Variants in SOX13 observed in about 807,000 individuals in gnomAD.
SOX13 encodes the protein transcription factor SOX-13.
A neutral mutation model predicts 71.8 loss-of-function variants in SOX13; 28 were observed. The ratio of observed to expected loss-of-function variants is 0.39; its 90% CI spans 0.29 to 0.53. The LOEUF is 0.53. SOX13 is among the 20% of genes least tolerant of loss of function. The pLI, the probability that SOX13 is intolerant of heterozygous loss-of-function variation, is 0.70. For missense variants in SOX13, 627 were observed against 810.3 expected (o/e 0.77, Z 2.75); for synonymous variants, 309 against 317.8 (o/e 0.97, Z 0.29).
In SOX13 at chr1:204,123,136, C is replaced by A. The variant is rs941604997; in HGVS notation, c.1159C>A (p.Pro387Thr). ...GGACCTCATCAGCCTGGACTCATCCCCAGCCAAGGAGCGGCTGGAGGACGG... is the reference window on the plus strand; with the variant it reads ...GGACCTCATCAGCCTGGACTCATCCACAGCCAAGGAGCGGCTGGAGGACGG... ...RKDLISLDSS[P>T]AKERLEDGCV... Residue 387 changes from proline (P) to threonine (T), a missense_variant, in exon 11 of 14, where the codon CCA becomes ACA. Physicochemically the swap from Pro to Thr is conservative, Grantham distance 38 (BLOSUM62 -1). Transcript: ENST00000367204. The surrounding 1 kb of genome is among the most constrained non-coding windows in gnomAD (Gnocchi z 5.0). 15 of 1,613,654 alleles carry A rather than the reference C, an allele frequency of 9.3e-6. No individual in the cohort carries two copies. Among genetic ancestry groups the A allele is most frequent in the Non-Finnish European group, 1.2e-5 (14 of 1,179,794 alleles).
At chr1:204,090,408 C>CTTT (rs67694415) in intron 1 of SOX13, among the ~76,000 whole-genome samples, 17 of 118,526 alleles carry the variant, frequency 1.4e-4, no homozygotes, top group Non-Finnish European at 2.0e-4. Flanking sequence ...TCTTCTTCTT[C>CTTT]TTTTTTTTTT....
chr1:204,103,059 G>A (rs1195149339), intron 1 of SOX13, among the ~76,000 whole-genome samples: 1 of 152,160 alleles, frequency 6.6e-6, no homozygotes, highest in East Asian at 1.9e-4. Context: ...TCCTGCTTTA[G>A]GGCTCTTTCT....
In SOX13 at chr1:204,127,458, A is replaced by G. The variant is rs576836821; in HGVS notation, c.*1324A>G. The G allele has an allele frequency of 6.7e-6, 1 of 150,082 alleles. No homozygotes were observed. The highest frequency in any genetic ancestry group is 2.1e-4 in the South Asian group (1 of 4,760). The allele number at this position is 150,082 out of a possible 1,614,324, so 9.3% of individuals were successfully genotyped here. On this transcript the variant is annotated 3_prime_UTR_variant, in exon 14 of 14. Transcript: ENST00000367204. ...TTGTTCCCTAAGGAAATCAAATCCC[A>G]TTGTCACCTAACTCTGAAGATCTAA...
chr1:204,109,320 A>T (rs1571584430), intron 1 of SOX13, among the ~76,000 whole-genome samples: 1 of 152,220 alleles, frequency 6.6e-6, no homozygotes, highest in East Asian at 1.9e-4. Context: ...ACATGCACTC[A>T]TGCACTGCTT....
rs12088948 is a variant in SOX13, at chr1:204,123,657, C to A, written c.1232-4C>A. ...GCTTGGCTGACTTCACTCCTGTCTC[C>A]CAGGCTCCCGCCACTTCCCCGAGTC... On this transcript the variant is annotated splice_polypyrimidine_tract_variant and splice_region_variant and intron_variant, in intron 11 of 13. Transcript: ENST00000367204. The surrounding 1 kb of genome is among the most constrained non-coding windows in gnomAD (Gnocchi z 5.0). 9 of 1,612,420 alleles carry A rather than the reference C, an allele frequency of 5.6e-6. No individual in the cohort carries two copies. The African/African-American group carries it at 8.0e-5, about 14-fold the overall frequency.
chr1:204,106,517 ATTTT>A (rs34769472), intron 1 of SOX13, among the ~76,000 whole-genome samples: 1 of 140,018 alleles, frequency 7.1e-6, no homozygotes. Context: ...TCCAAAATAA[ATTTT>A]TTTTTTTTTT....
rs143185588 is a variant in SOX13 at position 204,085,802 on chromosome 1, G to A, written c.-2+12091G>A. Among the ~76,000 whole-genome samples the A allele has an allele frequency of 5.8e-3, 875 of 151,654 alleles. 8 individuals are homozygous for A. Among genetic ancestry groups the A allele is most frequent in the African/African-American group, 0.018 (761 of 41,366 alleles). ...ATCCTGGCTAACACGGTGAAACCCC[G>A]TCTGTACTAAAAAAAAAATACAAAA... On this transcript the variant is annotated intron_variant, in intron 1 of 13. Coordinates refer to ENST00000367204, the MANE Select transcript of SOX13 (RefSeq NM_005686.3).
At chr1:204,106,973 G>A (rs1429801070) in intron 1 of SOX13, among the ~76,000 whole-genome samples, 1 of 152,176 alleles carries the variant, frequency 6.6e-6, no homozygotes, top group Non-Finnish European at 1.5e-5. Flanking sequence ...CTATTTTACT[G>A]AGGAGGAAAT....
chr1:204,122,334 C>T lies in SOX13; in HGVS notation c.959C>T (p.Pro320Leu). The T allele has an allele frequency of 6.4e-7, 1 of 1,563,138 alleles. No individual in the cohort carries two copies. The highest frequency in any genetic ancestry group is 1.2e-5 in the South Asian group (1 of 85,290). ...AGCCTGAAGATGAGCAGCTGTGTGC[C>T]CCGCCCCCCCAGCCATGGAGGCCCC... is the stretch of plus-strand genomic sequence containing the variant. The part of the protein sequence containing the change: ...SPSLKMSSCV[P>L]RPPSHGGPTR... Residue 320 changes from proline to leucine, a missense_variant, in exon 9 of 14, where the codon CCC becomes CTC. By Grantham distance (98) the Pro-to-Leu change is moderately conservative. Transcript: ENST00000367204.
At chr1:204,093,782 A>G (rs1656194627) in intron 1 of SOX13, among the ~76,000 whole-genome samples, 3 of 152,326 alleles carry the variant, frequency 2.0e-5, no homozygotes, top group East Asian at 3.9e-4. Context: ...TTTGTCCCTG[A>G]AGAAAATCCA....
At chr1:204,124,613 A>C in intron 12 of SOX13, 28 bp from the exon 13 acceptor site, 4 of 1,583,826 alleles carry the variant, frequency 2.5e-6, no homozygotes, top group Non-Finnish European at 3.4e-6. Flanking sequence ...CCCAGCACTG[A>C]CTGCCTGCCC....
At chr1:204,122,180 T>C in intron 8 of SOX13, 57 bp from the exon 9 acceptor site, 1 of 1,421,418 alleles carries the variant, frequency 7.0e-7, no homozygotes, top group Non-Finnish European at 9.5e-7. Flanking sequence ...CTCTCTGTCC[T>C]GCTGTGGGAG....
chr1:204,102,841 T>G (rs1656388061), intron 1 of SOX13, among the ~76,000 whole-genome samples: 1 of 152,062 alleles, frequency 6.6e-6, no homozygotes, highest in Admixed American at 6.5e-5. Flanking sequence ...TGGCCACACA[T>G]CTAGTGGTAT....
intron 1 of SOX13, among the ~76,000 whole-genome samples, chr1:204,105,654 C>T (rs1388473966): frequency 6.6e-6 from 1 of 152,142 alleles, no homozygotes; most frequent in Non-Finnish European, 1.5e-5. Context: ...GATCAACCCG[C>T]CTCAGCCTCC....
chr1:204,125,871 C>G lies in SOX13; in HGVS notation c.1606C>G (p.Gln536Glu). Residue 536 changes from glutamine (Q) to glutamate (E), a missense_variant, in exon 14 of 14, where the codon CAG becomes GAG. Around this residue, in one of 3 missense-constraint regions of SOX13, gnomAD observed 148 missense variants for 192.7 expected, o/e 0.77. Coordinates refer to ENST00000367204, the MANE Select transcript of SOX13 (RefSeq NM_005686.3). ...QSYVIPPQAG[Q>E]VQMSSSDVLY... ...TCTGCCCCACAGCCCGCAGGCTGGCCAGGTGCAGATGAGCTCCTCAGATGT... is the reference window on the plus strand; with the variant it reads ...TCTGCCCCACAGCCCGCAGGCTGGCGAGGTGCAGATGAGCTCCTCAGATGT... 1 of 1,611,130 alleles carries G rather than the reference C, an allele frequency of 6.2e-7. No homozygotes were observed. The highest frequency in any genetic ancestry group is 1.3e-5 in the African/African-American group (1 of 75,038).
chr1:204,124,634 G>T lies in SOX13; in HGVS notation c.1376-7G>T. ...ACTGACTGCCTGCCCCTGGGGGGTT[G>T]GGTCAGGATCTCGCTGGAAGTCCAT... is the stretch of plus-strand genomic sequence containing the variant. On this transcript the variant is annotated splice_polypyrimidine_tract_variant and splice_region_variant and intron_variant, in intron 12 of 13. Coordinates refer to ENST00000367204, the MANE Select transcript of SOX13 (RefSeq NM_005686.3). The T allele has an allele frequency of 1.2e-6, 2 of 1,604,222 alleles. No individual in the cohort carries two copies. The highest frequency in any genetic ancestry group is 2.3e-5 in the East Asian group (1 of 44,380).
intron 1 of SOX13, among the ~76,000 whole-genome samples, chr1:204,079,575 G>T (rs948354015): frequency 6.6e-6 from 1 of 151,918 alleles, no homozygotes; most frequent in Admixed American, 6.6e-5. Context: ...TCGAACCCCC[G>T]ACCTCAGGTG....
At position 204,117,136 on chromosome 1, in the gene SOX13, G is replaced by A. The variant is rs1219654986; in HGVS notation, c.606G>A (p.Gln202=). The change falls in exon 6 of 14, where the codon CAG becomes CAA. Residue 202 remains glutamine (Q), a synonymous_variant. Coordinates refer to ENST00000367204, the MANE Select transcript of SOX13 (RefSeq NM_005686.3). ...CCCTCTCCCAGATTGCAAAGCAGCA[G>A]CAGCAGCTGATTCAGCAGCAGCATA... ...RQQQEQIAKQ[Q]QQLIQQQHKI... is the part of the protein sequence containing the mutation. 6.2e-7 allele frequency: 1 copy of A among 1,613,954 alleles called. No individual in the cohort carries two copies. The highest frequency in any genetic ancestry group is 2.2e-5 in the East Asian group (1 of 44,880).
Position 204,113,941 on chromosome 1 carries a change from CCT to C in SOX13, c.220-379_220-378del, listed in dbSNP as rs148714630. Among the ~76,000 whole-genome samples the C allele has an allele frequency of 9.2e-3, 1,398 of 152,250 alleles. 20 individuals are homozygous for C. The highest frequency in any genetic ancestry group is 0.032 in the African/African-American group (1,311 of 41,544). On this transcript the variant is annotated intron_variant, in intron 2 of 13. Transcript: ENST00000367204. ...GATAACTAATAGCTGACTTTTGGCC[CCT>C]GATTGTAATGGCAAATCTCATTCAC... is the stretch of plus-strand genomic sequence containing the variant.
Sources: gnomAD v4.1 joint callset for allele counts (sites outside exome capture counted in the v4.1 genomes callset) on GRCh38, gnomAD v4.1.1 for gene constraint, gnomAD v4.1.1 regional missense constraint, Gnocchi (gnomAD v3.1) non-coding constraint, MANE v1.5 for transcripts, NCBI Gene and HGNC (gene_info 2026-07-23, HGNC 2026-07-21) for gene names.